The following ATP6V1C1 variants were observed in gnomAD, a reference collection of about 807,000 sequenced individuals.
ATP6V1C1 encodes the protein ATPase H+ transporting V1 subunit C1.
ATP6V1C1 carries 45 observed loss-of-function variants against 53.9 expected under a neutral mutation model. The observed-to-expected ratio is 0.83, with a 90% CI of 0.66 to 1.07. The LOEUF (loss-of-function observed/expected upper bound fraction) is 1.07, where lower values mean the gene tolerates loss of function less well. ATP6V1C1 is among the 50% of genes least tolerant of loss of function. The pLI, the probability that ATP6V1C1 is intolerant of heterozygous loss-of-function variation, is 0.00. For synonymous variants in ATP6V1C1, 153 were observed against 155.2 expected (o/e 0.99, Z 0.11); for missense variants, 315 against 440.3 (o/e 0.72, Z 2.55).
chr8:103,028,651 TC>T (rs1174300575), intron 1 of ATP6V1C1, among the ~76,000 whole-genome samples: 1 of 152,220 alleles, frequency 6.6e-6, no homozygotes, highest in African/African-American at 2.4e-5. Context: ...TCCAATCCTC[TC>T]ATTTTACAAG....
intron 8 of ATP6V1C1, among the ~76,000 whole-genome samples, chr8:103,057,213 C>A (rs1409975802): frequency 6.6e-6 from 1 of 152,202 alleles, no homozygotes; most frequent in Non-Finnish European, 1.5e-5. Flanking sequence ...CTACAAGTTT[C>A]CCATTGGCCA....
intron 3 of ATP6V1C1, among the ~76,000 whole-genome samples, chr8:103,045,801 TGTG>T (rs1283825449): frequency 1.3e-5 from 2 of 151,782 alleles, no homozygotes; most frequent in Non-Finnish European, 2.9e-5. Flanking sequence ...ATTATCCAGG[TGTG>T]GTGGCGGGCG....
chr8:103,048,121 C>T (rs1817137147), intron 3 of ATP6V1C1, among the ~76,000 whole-genome samples: 3 of 152,152 alleles, frequency 2.0e-5, no homozygotes, highest in South Asian at 2.1e-4. Context: ...ACAGCTCTGC[C>T]GTTAACTGGT....
At position 103,070,756 on chromosome 8, in the gene ATP6V1C1, C is replaced by A. The variant is rs1463349196; in HGVS notation, c.*2009C>A. 6.6e-6 allele frequency: 1 copy of A among 152,260 alleles called. No individual in the cohort carries two copies. Among genetic ancestry groups the A allele is most frequent in the Non-Finnish European group, 1.5e-5 (1 of 68,074 alleles). The allele number at this position is 152,260 out of a possible 1,614,324, so 9.4% of individuals were successfully genotyped here. A position where few individuals can be genotyped will look rare whatever the true frequency, so the allele number is the denominator to read the frequency against. On this transcript the variant is annotated 3_prime_UTR_variant, in exon 13 of 13. Transcript: ENST00000518738. ...AACGACGGGACTTTCACTGTGATTT[C>A]CACCAGAGAAATTATAGCAGAGTGG... is the stretch of plus-strand genomic sequence containing the variant.
At position 103,029,654 on chromosome 8, in the gene ATP6V1C1, G is replaced by A. The variant is rs73290378; in HGVS notation, c.-40+8429G>A. ...GATTATTTTAGAAATAGATGATGTA[G>A]TATATCTAAGATATATTTTAGATAT... On this transcript the variant is annotated intron_variant, in intron 1 of 12. Transcript: ENST00000518738. 6.7e-3 allele frequency among the ~76,000 whole-genome samples: 1,016 copies of A among 152,176 alleles called. 14 individuals carry two copies. Among genetic ancestry groups the A allele is most frequent in the Middle Eastern group, 0.031 (9 of 294 alleles).
chr8:103,025,138 T>C (rs1487441335), intron 1 of ATP6V1C1, among the ~76,000 whole-genome samples: 2 of 152,174 alleles, frequency 1.3e-5, no homozygotes, highest in Non-Finnish European at 2.9e-5. Context: ...ATGGATCTTC[T>C]AAGATATTTT....
intron 1 of ATP6V1C1, among the ~76,000 whole-genome samples, chr8:103,035,689 A>C (rs1410159029): frequency 1.3e-5 from 2 of 152,164 alleles, no homozygotes; most frequent in Non-Finnish European, 2.9e-5. Flanking sequence ...ACTTTCCAAC[A>C]GCTGGGTGAA....
chr8:103,070,381 C>A lies in ATP6V1C1; in HGVS notation c.*1634C>A, dbSNP rs902087798. 7.9e-5 allele frequency: 12 copies of A among 152,318 alleles called. No homozygotes were observed. Among genetic ancestry groups the A allele is most frequent in the African/African-American group, 2.9e-4 (12 of 41,566 alleles). The allele number at this position is 152,318 out of a possible 1,614,324, so 9.4% of individuals were successfully genotyped here. ...GTTATGTACACTTAAGTTTTTGACA[C>A]TCACTGCCAAGTCATCTGTCAGAAT... On this transcript the variant is annotated 3_prime_UTR_variant, in exon 13 of 13. Coordinates refer to ENST00000518738, the MANE Select transcript of ATP6V1C1 (RefSeq NM_001695.5).
intron 8 of ATP6V1C1, among the ~76,000 whole-genome samples, chr8:103,057,409 T>G (rs1014927886): frequency 3.3e-5 from 5 of 152,244 alleles, no homozygotes; most frequent in African/African-American, 1.2e-4. Context: ...TCTATGCGAA[T>G]GAAGACTCGG....
intron 1 of ATP6V1C1, among the ~76,000 whole-genome samples, chr8:103,024,630 A>G (rs1816663374): frequency 6.6e-6 from 1 of 152,216 alleles, no homozygotes; most frequent in Admixed American, 6.5e-5. Flanking sequence ...GTGTGGAATT[A>G]TATATCATTT....
At chr8:103,040,444 T>C (rs1816976179) in intron 1 of ATP6V1C1, among the ~76,000 whole-genome samples, 1 of 151,934 alleles carries the variant, frequency 6.6e-6, no homozygotes, top group Non-Finnish European at 1.5e-5. Context: ...GATAAACCTA[T>C]AAATTTGTAA....
intron 8 of ATP6V1C1, among the ~76,000 whole-genome samples, chr8:103,060,699 A>G (rs6995276): frequency 0.022 from 3,361 of 152,312 alleles, 132 homozygotes; most frequent in African/African-American, 0.077. Context: ...CTTAGGGGAA[A>G]GAGGGAAAGC....
At chr8:103,035,438 C>T (rs1439142274) in intron 1 of ATP6V1C1, among the ~76,000 whole-genome samples, 2 of 152,122 alleles carry the variant, frequency 1.3e-5, no homozygotes, top group Non-Finnish European at 2.9e-5. Context: ...AGATATGATT[C>T]TAGCTCTTCA....
intron 3 of ATP6V1C1, among the ~76,000 whole-genome samples, chr8:103,043,180 C>G (rs1022457814): frequency 6.6e-6 from 1 of 152,234 alleles, no homozygotes; most frequent in East Asian, 1.9e-4. Context: ...AAACTGTTTC[C>G]CAGAGTGGCT....
intron 3 of ATP6V1C1, among the ~76,000 whole-genome samples, chr8:103,046,759 T>C (rs1292177672): frequency 6.6e-6 from 1 of 152,194 alleles, no homozygotes; most frequent in African/African-American, 2.4e-5. Context: ...AGGCCAAATA[T>C]TGTAGAATAT....
intron 8 of ATP6V1C1, among the ~76,000 whole-genome samples, chr8:103,057,153 G>A (rs1817301899): frequency 1.3e-5 from 2 of 152,118 alleles, no homozygotes; most frequent in African/African-American, 4.8e-5. Context: ...GCAGACCTGA[G>A]CAGTGGCTCA....
intron 1 of ATP6V1C1, among the ~76,000 whole-genome samples, chr8:103,032,014 AAAAACAAAAAAC>A: frequency 6.6e-6 from 1 of 151,768 alleles, no homozygotes; most frequent in Non-Finnish European, 1.5e-5. Flanking sequence ...AAAAAAAACA[AAAAACAAAAAAC>A]AAAAAAAACC....
chr8:103,063,155 A>G lies in ATP6V1C1; in HGVS notation c.755A>G (p.Gln252Arg), dbSNP rs1192429779. ...RENKFIVRDF[Q>R]YNEEEMKADK... ...TTTAGATTCATTGTTCGTGACTTCCAGTATAATGAAGAGGAGATGAAAGCA... is the reference window on the plus strand; with the variant it reads ...TTTAGATTCATTGTTCGTGACTTCCGGTATAATGAAGAGGAGATGAAAGCA... Residue 252 changes from glutamine to arginine, a missense_variant, in exon 10 of 13, where the codon CAG (glutamine) becomes CGG (arginine). Physicochemically the swap from Gln to Arg is conservative, Grantham distance 43. Transcript: ENST00000518738. 6.2e-7 allele frequency: 1 copy of G among 1,613,184 alleles called. No homozygotes were observed. Among genetic ancestry groups the G allele is most frequent in the Admixed American group, 1.7e-5 (1 of 59,960 alleles).
chr8:103,067,617 T>TTTTTTTTTTTTTTTTTTTTTTTTTTC (rs1408507732), intron 12 of ATP6V1C1, among the ~76,000 whole-genome samples: 1 of 144,426 alleles, frequency 6.9e-6, no homozygotes, highest in African/African-American at 2.6e-5. Flanking sequence ...TTTTTTTTTT[T>TTTTTTTTTTTTTTTTTTTTTTTTTTC]CGAGATGGAG....
Sources: gnomAD v4.1 joint callset for allele counts (sites outside exome capture counted in the v4.1 genomes callset) on GRCh38, gnomAD v4.1.1 for gene constraint, MANE v1.5 for transcripts, NCBI Gene and HGNC (gene_info 2026-07-23, HGNC 2026-07-21) for gene names.